The following DLG2 variants were observed in gnomAD, a reference collection of about 807,000 sequenced individuals.
The protein encoded by DLG2 is disks large homolog 2.
In DLG2, 45 loss-of-function variants were observed where a neutral mutation model predicts 132.5. The observed-to-expected ratio is 0.34, with a 90% CI of 0.27 to 0.44. The LOEUF is 0.44. DLG2 is among the 20% of genes least tolerant of loss of function. The pLI is 1.00. For missense variants in DLG2, 1,045 were observed against 1,196.9 expected (o/e 0.87, Z 1.87); for synonymous variants, 424 against 419.6 (o/e 1.01, Z -0.13).
Position 84,449,780 on chromosome 11 carries a change from C to T in DLG2, c.519+84790G>A, listed in dbSNP as rs148878045. 5.3e-3 allele frequency among the ~76,000 whole-genome samples: 798 copies of T among 151,206 alleles called. 1 individual carries two copies. Among genetic ancestry groups the T allele is most frequent in the Admixed American group, 7.6e-3 (116 of 15,178 alleles). On this transcript the variant is annotated intron_variant, in intron 7 of 27. Coordinates refer to ENST00000376104, the MANE Select transcript of DLG2 (RefSeq NM_001142699.3). ...TTTTAAAAGGGAACTTATTGCCATC[C>T]GAATAAACACAAGGGTTTGTTTTCA...
chr11:85,126,721 C>A (rs1048816072), intron 5 of DLG2, among the ~76,000 whole-genome samples: 1 of 152,036 alleles, frequency 6.6e-6, no homozygotes, highest in African/African-American at 2.4e-5. Flanking sequence ...AGGATAAATA[C>A]AAGAAGTGCA....
intron 4 of DLG2, among the ~76,000 whole-genome samples, chr11:85,237,033 G>A (rs1020135965): frequency 6.6e-6 from 1 of 152,050 alleles, no homozygotes; most frequent in Non-Finnish European, 1.5e-5. Context: ...CAGAAGCCAA[G>A]CTTCATGAGA....
chr11:83,472,878 A>G, intron 22 of DLG2, 101 bp from the exon 23 acceptor site: 1 of 967,410 alleles, frequency 1.0e-6, no homozygotes, highest in Non-Finnish European at 1.6e-6. Flanking sequence ...CTCAGAGTTA[A>G]TTCTCCTTGC....
intron 3 of DLG2, among the ~76,000 whole-genome samples, chr11:85,322,525 C>T (rs1400619914): frequency 1.3e-5 from 2 of 152,156 alleles, no homozygotes; most frequent in South Asian, 2.1e-4. Flanking sequence ...TATTGCTTCC[C>T]TATGTAGACT....
chr11:85,288,830 T>A (rs1031032047), intron 3 of DLG2, among the ~76,000 whole-genome samples: 1 of 152,098 alleles, frequency 6.6e-6, no homozygotes, highest in Admixed American at 6.6e-5. Flanking sequence ...ATATAAACAG[T>A]TTCATGAGCA....
At chr11:84,599,807 AGATC>A (rs1412285334) in intron 6 of DLG2, among the ~76,000 whole-genome samples, 1 of 152,094 alleles carries the variant, frequency 6.6e-6, no homozygotes, top group Non-Finnish European at 1.5e-5. Flanking sequence ...AGAGGCAGGC[AGATC>A]GCTTGAGCCC....
chr11:83,463,587 A>C (rs1393380543), intron 26 of DLG2, among the ~76,000 whole-genome samples: 1 of 152,216 alleles, frequency 6.6e-6, no homozygotes, highest in Non-Finnish European at 1.5e-5. Flanking sequence ...TCAGGAGTTC[A>C]AGACCAGCCT....
chr11:83,556,856 G>A (rs1593125808), intron 19 of DLG2, among the ~76,000 whole-genome samples: 1 of 152,194 alleles, frequency 6.6e-6, no homozygotes, highest in East Asian at 1.9e-4. Context: ...GGATGATGCG[G>A]GGAAGATGAC....
intron 3 of DLG2, among the ~76,000 whole-genome samples, chr11:85,510,869 T>C (rs1362574608): frequency 6.6e-6 from 1 of 152,188 alleles, no homozygotes; most frequent in African/African-American, 2.4e-5. Context: ...ATCCCATTAC[T>C]GGGTATACAC....
intron 11 of DLG2, among the ~76,000 whole-genome samples, chr11:84,002,215 A>G (rs545113013): frequency 1.3e-5 from 2 of 152,208 alleles, no homozygotes; most frequent in Non-Finnish European, 2.9e-5. Flanking sequence ...CAGAAAAGAA[A>G]GAGGAGACAC....
chr11:83,714,669 A>T (rs1485334801), intron 18 of DLG2, among the ~76,000 whole-genome samples: 2 of 152,222 alleles, frequency 1.3e-5, no homozygotes, highest in Non-Finnish European at 2.9e-5. Context: ...AGTAACAGCT[A>T]TCATTACAGG....
At chr11:85,488,064 C>T (rs2093471028) in intron 3 of DLG2, among the ~76,000 whole-genome samples, 1 of 152,174 alleles carries the variant, frequency 6.6e-6, no homozygotes, top group Non-Finnish European at 1.5e-5. Context: ...GCTTTTGCAT[C>T]TTCCTCATTT....
chr11:84,797,012 A>AT (rs1304107154), intron 6 of DLG2, among the ~76,000 whole-genome samples: 2 of 151,414 alleles, frequency 1.3e-5, no homozygotes, highest in African/African-American at 2.4e-5. Flanking sequence ...CACCTGGCTA[A>AT]TTTTTTCTAT....
chr11:83,917,576 C>T (rs1298120596), intron 15 of DLG2, among the ~76,000 whole-genome samples: 1 of 152,228 alleles, frequency 6.6e-6, no homozygotes, highest in Non-Finnish European at 1.5e-5. Context: ...AAACTATGTG[C>T]ATCACCATCC....
chr11:83,472,718 G>C lies in DLG2; in HGVS notation c.2344+9C>G. On this transcript the variant is annotated intron_variant, in intron 23 of 27. Coordinates refer to ENST00000376104, the MANE Select transcript of DLG2 (RefSeq NM_001142699.3). Reference sequence around the variant, plus strand: ...GAAATTAGGAATGAAAGCGTGCTGGGAAACTTACTTTCCTGCCTTGTAACA... The same window carrying C: ...GAAATTAGGAATGAAAGCGTGCTGGCAAACTTACTTTCCTGCCTTGTAACA... The C allele has an allele frequency of 1.2e-6, 2 of 1,610,450 alleles. No individual in the cohort carries two copies. Among genetic ancestry groups the C allele is most frequent in the Non-Finnish European group, 1.7e-6 (2 of 1,178,198 alleles).
intron 3 of DLG2, among the ~76,000 whole-genome samples, chr11:85,516,545 T>C (rs1360825989): frequency 3.9e-5 from 6 of 151,974 alleles, no homozygotes; most frequent in South Asian, 2.1e-4. Flanking sequence ...ACTAGCTAGA[T>C]TGACCAAGAA....
intron 7 of DLG2, among the ~76,000 whole-genome samples, chr11:84,441,934 G>A (rs763390253): frequency 6.6e-6 from 1 of 152,132 alleles, no homozygotes; most frequent in Non-Finnish European, 1.5e-5. Flanking sequence ...TTGTAGATGT[G>A]TGGTGTTATT....
intron 3 of DLG2, among the ~76,000 whole-genome samples, chr11:85,544,896 T>G (rs1003718458): frequency 1.3e-5 from 2 of 152,172 alleles, no homozygotes; most frequent in Non-Finnish European, 1.5e-5. Flanking sequence ...TGGGGTGAGA[T>G]GATGGGGTTT....
At chr11:83,792,123 C>A (rs4362168) in intron 17 of DLG2, among the ~76,000 whole-genome samples, 4 of 152,122 alleles carry the variant, frequency 2.6e-5, no homozygotes, top group African/African-American at 4.8e-5. Context: ...TTATGGATGT[C>A]CCAGCACTTT....
Sources: gnomAD v4.1 joint callset for allele counts (sites outside exome capture counted in the v4.1 genomes callset) on GRCh38, gnomAD v4.1.1 for gene constraint, MANE v1.5 for transcripts, NCBI Gene and HGNC (gene_info 2026-07-23, HGNC 2026-07-21) for gene names.